ZC3H14: variants seen among roughly 807,000 people sequenced by gnomAD.
ZC3H14 encodes the protein zinc finger CCCH domain-containing protein 14.
In ZC3H14, 31 loss-of-function variants were observed where a neutral mutation model predicts 92.4. That is an observed-to-expected ratio of 0.34 (90% CI 0.25 to 0.45). The LOEUF (loss-of-function observed/expected upper bound fraction) is 0.45, where lower values mean the gene tolerates loss of function less well. Among genes scored for constraint, ZC3H14 ranks in the 20% least tolerant of loss-of-function variants. The probability of loss-of-function intolerance (pLI) is 1.00; values close to 1 mark genes in which losing one functional copy is unlikely to be tolerated. For missense variants in ZC3H14, 781 were observed against 897.3 expected (o/e 0.87, Z 1.66); for synonymous variants, 321 against 300.9 (o/e 1.07, Z -0.69).
rs1407142404 is a variant in ZC3H14, at chr14:88,611,868, T to C, written c.*117T>C. 1.4e-6 allele frequency: 2 copies of C among 1,421,178 alleles called. No individual in the cohort carries two copies. Among genetic ancestry groups the C allele is most frequent in the East Asian group, 2.3e-5 (1 of 43,066 alleles). The allele number at this position is 1,421,178 out of a possible 1,614,324, so 88.0% of individuals were successfully genotyped here. On this transcript the variant is annotated 3_prime_UTR_variant, in exon 17 of 17. Coordinates refer to ENST00000251038, the MANE Select transcript of ZC3H14 (RefSeq NM_024824.5). Reference sequence around the variant, plus strand: ...CTTGGAATATATTGCTTTCATAATATGAAGTTTTATTGCCTATCTATCTGA... The same window carrying C: ...CTTGGAATATATTGCTTTCATAATACGAAGTTTTATTGCCTATCTATCTGA...
Position 88,621,531 on chromosome 14 carries a change from A to T in ZC3H14, c.*9780A>T. 1.8e-6 allele frequency: 1 copy of T among 555,502 alleles called. No individual in the cohort carries two copies. Among genetic ancestry groups the T allele is most frequent in the Non-Finnish European group, 3.2e-6 (1 of 316,272 alleles). 34.4% of individuals were successfully genotyped at this position (555,502 alleles called of 1,614,324 possible). A position where few individuals can be genotyped will look rare whatever the true frequency, so the allele number is the denominator to read the frequency against. Reference sequence around the variant, plus strand: ...ATTAGAGTCCATGCTACAGAATAGAACTTTTCTGTGGCAGTACACCTGGAT... The same window carrying T: ...ATTAGAGTCCATGCTACAGAATAGATCTTTTCTGTGGCAGTACACCTGGAT... On this transcript the variant is annotated 3_prime_UTR_variant, in exon 17 of 17. Transcript: ENST00000251038.
At position 88,579,750 on chromosome 14, in the gene ZC3H14, A is replaced by C. The variant is rs73317793; in HGVS notation, c.1279+1610A>C. 1.4e-3 allele frequency among the ~76,000 whole-genome samples: 214 copies of C among 152,352 alleles called. 2 individuals carry two copies. The highest frequency in any genetic ancestry group is 5.1e-3 in the African/African-American group (210 of 41,580). On this transcript the variant is annotated intron_variant, in intron 9 of 16. Transcript: ENST00000251038. The stretch of plus-strand genomic sequence containing the variant: ...CTAAAATGAACAACAGAAAAGTATC[A>C]AGGTCAAGTCCTGTGCCGAATTAAA...
chr14:88,595,161 A>G (rs1595722942), intron 9 of ZC3H14: 2 of 1,597,148 alleles, frequency 1.3e-6, no homozygotes, highest in Non-Finnish European at 1.7e-6. Flanking sequence ...TTTGATCTGT[A>G]TCTTTCCACG....
chr14:88,600,665 C>T (rs1292368726), intron 10 of ZC3H14, among the ~76,000 whole-genome samples: 4 of 151,970 alleles, frequency 2.6e-5, no homozygotes, highest in South Asian at 2.1e-4. Context: ...TTGCCTAGGC[C>T]GGTCTCAAAC....
chr14:88,601,712 G>A (rs1374213403), intron 10 of ZC3H14, among the ~76,000 whole-genome samples: 1 of 152,174 alleles, frequency 6.6e-6, no homozygotes, highest in African/African-American at 2.4e-5. Context: ...AGAATCACTT[G>A]TGCCGTGCCC....
intron 9 of ZC3H14, among the ~76,000 whole-genome samples, chr14:88,582,193 G>A (rs2081986050): frequency 6.6e-6 from 1 of 152,220 alleles, no homozygotes; most frequent in Admixed American, 6.5e-5. Context: ...GGTAGGATTA[G>A]AGTTATGCTT....
Position 88,574,679 on chromosome 14 carries a change from TTA to T in ZC3H14, c.862-12_862-11del. ...TTCTGAGATTAGGTAAGCATAAATT[TTA>T]TCTGATTGCAGGATGAAAACTTTCG... is the stretch of plus-strand genomic sequence containing the variant. On this transcript the variant is annotated splice_polypyrimidine_tract_variant and intron_variant, in intron 6 of 16. Transcript: ENST00000251038. The T allele has an allele frequency of 6.2e-7, 1 of 1,614,058 alleles. No individual in the cohort carries two copies. Among genetic ancestry groups the T allele is most frequent in the Non-Finnish European group, 8.5e-7 (1 of 1,179,958 alleles).
At position 88,622,647 on chromosome 14, in the gene ZC3H14, G is replaced by C; in HGVS notation, c.*10896G>C. On this transcript the variant is annotated 3_prime_UTR_variant, in exon 17 of 17. Transcript: ENST00000251038. The stretch of plus-strand genomic sequence containing the variant: ...ACGAACACAATCTGTGGCTTGTCCT[G>C]TCTCAAGCCTGAAGGCACGGCACCG... 3 of 1,611,416 alleles carry C rather than the reference G, an allele frequency of 1.9e-6. No homozygotes were observed. Among genetic ancestry groups the C allele is most frequent in the South Asian group, 1.1e-5 (1 of 90,424 alleles).
At chr14:88,608,890 AC>A in intron 13 of ZC3H14, 1 of 229,282 alleles carries the variant, frequency 4.4e-6, no homozygotes, top group South Asian at 6.3e-5. Context: ...ATACAGCTGT[AC>A]ATATAAGGAG....
At chr14:88,577,444 G>A (rs1293663610) in intron 8 of ZC3H14, among the ~76,000 whole-genome samples, 1 of 152,188 alleles carries the variant, frequency 6.6e-6, no homozygotes, top group Non-Finnish European at 1.5e-5. Flanking sequence ...TTCATGGTAT[G>A]TGGTTGTATG....
At position 88,587,444 on chromosome 14, in the gene ZC3H14, G is replaced by A. The variant is rs2082594017; in HGVS notation, c.1280-9290G>A. ...TCCTCCCAAAGTGCTGGGATTACAG[G>A]CATAAGCCACCATGCCAGGCCTCTC... On this transcript the variant is annotated intron_variant, in intron 9 of 16. Coordinates refer to ENST00000251038, the MANE Select transcript of ZC3H14 (RefSeq NM_024824.5). 2.0e-5 allele frequency among the ~76,000 whole-genome samples: 3 copies of A among 152,174 alleles called. No individual in the cohort carries two copies. In the South Asian group the frequency reaches 6.2e-4, roughly 32 times the overall value.
Position 88,615,466 on chromosome 14 carries a change from T to G in ZC3H14, c.*3715T>G, listed in dbSNP as rs909170602. ...ATTTTGCTAAAAAGATAATGAAAAT[T>G]ATCCAAATTGGGTTTTTGAGTTCTT... On this transcript the variant is annotated 3_prime_UTR_variant, in exon 17 of 17. Coordinates refer to ENST00000251038, the MANE Select transcript of ZC3H14 (RefSeq NM_024824.5). 7 of 212,492 alleles carry G rather than the reference T, an allele frequency of 3.3e-5. No individual in the cohort carries two copies. Among genetic ancestry groups the G allele is most frequent in the Non-Finnish European group, 6.5e-5 (7 of 107,930 alleles). 13.2% of individuals were successfully genotyped at this position (212,492 alleles called of 1,614,324 possible).
chr14:88,586,128 G>A (rs375820442), intron 9 of ZC3H14, among the ~76,000 whole-genome samples: 3 of 152,102 alleles, frequency 2.0e-5, no homozygotes, highest in Admixed American at 6.5e-5. Context: ...AGATTGCGCC[G>A]CTGCACTCCA....
chr14:88,619,324 CATTGCACTTCAGCATGGGCA>C lies in ZC3H14; in HGVS notation c.*7575_*7594del, dbSNP rs1469010669. 1 of 152,544 alleles carries C rather than the reference CATTGCACTTCAGCATGGGCA, an allele frequency of 6.6e-6. No individual in the cohort carries two copies. The highest frequency in any genetic ancestry group is 2.4e-5 in the African/African-American group (1 of 41,448). 9.4% of individuals were successfully genotyped at this position (152,544 alleles called of 1,614,324 possible). A position where few individuals can be genotyped will look rare whatever the true frequency, so the allele number is the denominator to read the frequency against. Reference sequence around the variant, plus strand: ...AGGTTGTGGTGAGCTGAGATTGCACCATTGCACTTCAGCATGGGCAACAAGAGCAAAACTCCAACTCAAAA... The same window carrying C: ...AGGTTGTGGTGAGCTGAGATTGCACCACAAGAGCAAAACTCCAACTCAAAA... On this transcript the variant is annotated 3_prime_UTR_variant, in exon 17 of 17. Transcript: ENST00000251038.
chr14:88,581,417 T>C (rs1380383789), intron 9 of ZC3H14, among the ~76,000 whole-genome samples: 1 of 151,872 alleles, frequency 6.6e-6, no homozygotes, highest in African/African-American at 2.4e-5. Context: ...AAAAATTAGC[T>C]GGGTGTTGTG....
At chr14:88,580,275 A>G (rs1166190965) in intron 9 of ZC3H14, among the ~76,000 whole-genome samples, 2 of 152,170 alleles carry the variant, frequency 1.3e-5, no homozygotes, top group African/African-American at 4.8e-5. Context: ...ATTGCCATCT[A>G]GTTTGGGCGA....
chr14:88,587,608 G>A (rs8007758), intron 9 of ZC3H14, among the ~76,000 whole-genome samples: 89,574 of 151,950 alleles, frequency 0.59, 29,014 homozygotes, highest in Non-Finnish European at 0.74. Context: ...AGACTTAGTC[G>A]ATTGACTCTA....
In ZC3H14 at chr14:88,617,414, TG is replaced by T; in HGVS notation, c.*5666del. On this transcript the variant is annotated 3_prime_UTR_variant, in exon 17 of 17. Transcript: ENST00000251038. Reference sequence around the variant, plus strand: ...ACCCCCGCTCGGCCTCCCAAAGTGCTGGGATTACAGGCTGAGCCACCGCGCC... The same window carrying T: ...ACCCCCGCTCGGCCTCCCAAAGTGCTGGATTACAGGCTGAGCCACCGCGCC... 2 of 152,768 alleles carry T rather than the reference TG, an allele frequency of 1.3e-5. 1 individual carries two copies. Among genetic ancestry groups the T allele is most frequent in the Middle Eastern group, 6.8e-3 (2 of 294 alleles). 9.5% of individuals were successfully genotyped at this position (152,768 alleles called of 1,614,324 possible).
intron 10 of ZC3H14, 111 bp from the exon 11 acceptor site, chr14:88,601,813 C>T (rs1318988682): frequency 2.3e-6 from 3 of 1,312,710 alleles, no homozygotes; most frequent in African/African-American, 3.0e-5. Context: ...TGTGATTTTC[C>T]TTTGAAATAA....
Sources: gnomAD v4.1 joint callset for allele counts (sites outside exome capture counted in the v4.1 genomes callset) on GRCh38, gnomAD v4.1.1 for gene constraint, MANE v1.5 for transcripts, NCBI Gene and HGNC (gene_info 2026-07-23, HGNC 2026-07-21) for gene names.